NF1: variants seen among roughly 807,000 people sequenced by gnomAD.
NF1 encodes neurofibromin 1.
NF1 carries 122 observed loss-of-function variants against 325.7 expected under a neutral mutation model. The ratio of observed to expected loss-of-function variants is 0.37; its 90% CI spans 0.32 to 0.44. NF1 has a LOEUF of 0.44. NF1 is among the 20% of genes least tolerant of loss of function. NF1 has a pLI of 1.00. For missense variants in NF1, 2,140 were observed against 3,415.4 expected (o/e 0.63, Z 9.31); for synonymous variants, 1,091 against 1,186.0 (o/e 0.92, Z 1.65).
intron 9 of NF1, 59 bp downstream of exon 9, chr17:31,200,654 C>G (rs2143875735): frequency 3.2e-6 from 5 of 1,544,826 alleles, no homozygotes; most frequent in Non-Finnish European, 4.5e-6. Flanking sequence ...AATTTTCTAG[C>G]ATAAGTATTA....
intron 29 of NF1, among the ~76,000 whole-genome samples, chr17:31,237,656 CTT>C (rs34107657): frequency 8.7e-5 from 11 of 126,042 alleles, no homozygotes; most frequent in Non-Finnish European, 9.9e-5. Flanking sequence ...CTCATGTCTA[CTT>C]TTTTTTTTTT....
intron 36 of NF1, among the ~76,000 whole-genome samples, chr17:31,302,366 C>T (rs1488455733): frequency 1.3e-5 from 2 of 152,004 alleles, no homozygotes; most frequent in Non-Finnish European, 2.9e-5. Flanking sequence ...AAATGTGGAA[C>T]GAGCCCATTA....
chr17:31,226,122 T>A (rs1305502773), intron 17 of NF1, among the ~76,000 whole-genome samples: 1 of 152,202 alleles, frequency 6.6e-6, no homozygotes, highest in Non-Finnish European at 1.5e-5. Flanking sequence ...TTATGGTGTT[T>A]ACCTGTCCAT....
chr17:31,099,840 C>G (rs1394475361), intron 1 of NF1, among the ~76,000 whole-genome samples: 1 of 151,966 alleles, frequency 6.6e-6, no homozygotes, highest in Non-Finnish European at 1.5e-5. Flanking sequence ...GGATTACAGG[C>G]GTGAGCCACC....
chr17:31,330,530 AATT>A (rs1567613793), intron 39 of NF1, 32 bp downstream of exon 39: 1 of 1,444,850 alleles, frequency 6.9e-7, no homozygotes, highest in African/African-American at 1.4e-5. Flanking sequence ...TAATACTAAC[AATT>A]ATTCTAAGAG....
intron 1 of NF1, among the ~76,000 whole-genome samples, chr17:31,155,056 A>G (rs901177912): frequency 6.6e-6 from 1 of 152,138 alleles, no homozygotes; most frequent in African/African-American, 2.4e-5. Context: ...TATCAAAATA[A>G]TCGTCCATTA....
rs1196733035 is a variant in NF1 at position 31,235,604 on chromosome 17, T to C, written c.3709-7T>C. 1.2e-6 allele frequency: 2 copies of C among 1,613,784 alleles called. No individual in the cohort carries two copies. The highest frequency in any genetic ancestry group is 1.3e-5 in the African/African-American group (1 of 74,924). On this transcript the variant is annotated splice_polypyrimidine_tract_variant and splice_region_variant and intron_variant, in intron 27 of 57. Coordinates refer to ENST00000358273, the MANE Select transcript of NF1 (RefSeq NM_001042492.3). The stretch of plus-strand genomic sequence containing the variant: ...TTTGCACTAACCTGATTTTGTTTTG[T>C]TCTCAGGATGAACTAGCTCGAGTTC...
chr17:31,222,629 A>C (rs2066945223), intron 15 of NF1: 1 of 663,142 alleles, frequency 1.5e-6, no homozygotes. Context: ...TAAAGAGTAA[A>C]AAGAAGCAGG....
At chr17:31,142,388 A>T (rs1250997764) in intron 1 of NF1, among the ~76,000 whole-genome samples, 3 of 149,874 alleles carry the variant, frequency 2.0e-5, no homozygotes, top group African/African-American at 5.1e-5. Flanking sequence ...TAAAAATTTT[A>T]AAAAATCACC....
intron 27 of NF1, among the ~76,000 whole-genome samples, chr17:31,234,470 G>A (rs739879): frequency 0.11 from 16,766 of 151,670 alleles, 2,654 homozygotes; most frequent in African/African-American, 0.35. Context: ...TCGGGAGATC[G>A]AGACCATCCT....
At position 31,301,515 on chromosome 17, in the gene NF1, C is replaced by G. The variant is rs9900190; in HGVS notation, c.4836-24305C>G. Among the ~76,000 whole-genome samples the G allele has an allele frequency of 7.6e-3, 1,162 of 152,268 alleles. 19 individuals carry two copies. Among genetic ancestry groups the G allele is most frequent in the African/African-American group, 0.027 (1,118 of 41,566 alleles). Reference sequence around the variant, plus strand: ...ATAGGTTCCCAAAGGTGCTACTTTACTTTTTGATCAGAATTCAGTAAGAAC... The same window carrying G: ...ATAGGTTCCCAAAGGTGCTACTTTAGTTTTTGATCAGAATTCAGTAAGAAC... On this transcript the variant is annotated intron_variant, in intron 36 of 57. Transcript: ENST00000358273.
chr17:31,277,322 C>G (rs1039111538), intron 36 of NF1, among the ~76,000 whole-genome samples: 2 of 152,162 alleles, frequency 1.3e-5, no homozygotes, highest in Non-Finnish European at 2.9e-5. Flanking sequence ...TCCATTCTTG[C>G]TTTCTTCTAT....
At chr17:31,139,567 T>C (rs1215718011) in intron 1 of NF1, among the ~76,000 whole-genome samples, 1 of 152,172 alleles carries the variant, frequency 6.6e-6, no homozygotes, top group Non-Finnish European at 1.5e-5. Context: ...TGTGAGATAA[T>C]TGGAAGCTCA....
In NF1 at chr17:31,356,819, A is replaced by C. The variant is rs1018744561; in HGVS notation, c.7739-141A>C. Reference sequence around the variant, plus strand: ...GTAGCCAAAACTTTTGTGTAGGCGAATAGTAATTCTCTATGATGTTTATGT... The same window carrying C: ...GTAGCCAAAACTTTTGTGTAGGCGACTAGTAATTCTCTATGATGTTTATGT... On this transcript the variant is annotated intron_variant, in intron 52 of 57. Transcript: ENST00000358273. 148 of 1,326,918 alleles carry C rather than the reference A, an allele frequency of 1.1e-4. 1 individual carries two copies. The highest frequency in any genetic ancestry group is 1.5e-4 in the Non-Finnish European group (139 of 946,520). 82.2% of individuals were successfully genotyped at this position (1,326,918 alleles called of 1,614,324 possible).
chr17:31,141,120 A>G (rs1368711493), intron 1 of NF1, among the ~76,000 whole-genome samples: 4 of 152,196 alleles, frequency 2.6e-5, no homozygotes, highest in South Asian at 4.1e-4. Context: ...ACACATAGTA[A>G]CTATGATAGA....
chr17:31,168,978 A>G (rs187944258), intron 4 of NF1, among the ~76,000 whole-genome samples: 1 of 152,204 alleles, frequency 6.6e-6, no homozygotes, highest in Non-Finnish European at 1.5e-5. Context: ...TAGGGAATGC[A>G]GGATACAGAC....
At chr17:31,251,950 T>A (rs1349215299) in intron 30 of NF1, 2 of 214,932 alleles carry the variant, frequency 9.3e-6, no homozygotes, top group African/African-American at 4.5e-5. Flanking sequence ...TGCCATCTAT[T>A]TGTGGATTAA....
intron 36 of NF1, among the ~76,000 whole-genome samples, chr17:31,289,541 C>A (rs1188686391): frequency 6.6e-6 from 1 of 152,088 alleles, no homozygotes; most frequent in East Asian, 1.9e-4. Context: ...AGCATTTTGG[C>A]ATTTTTCTTT....
intron 29 of NF1, among the ~76,000 whole-genome samples, chr17:31,241,976 T>C (rs1249412375): frequency 6.6e-6 from 1 of 152,134 alleles, no homozygotes; most frequent in Non-Finnish European, 1.5e-5. Context: ...TCTTTATTTC[T>C]CCATATATGA....
Sources: gnomAD v4.1 joint callset for allele counts (sites outside exome capture counted in the v4.1 genomes callset) on GRCh38, gnomAD v4.1.1 for gene constraint, MANE v1.5 for transcripts, NCBI Gene and HGNC (gene_info 2026-07-23, HGNC 2026-07-21) for gene names.